The following MED12L variants were observed in gnomAD, a reference collection of about 807,000 sequenced individuals.
The protein encoded by MED12L is mediator complex subunit 12L.
In MED12L, 60 loss-of-function variants were observed where a neutral mutation model predicts 281.3. That is an observed-to-expected ratio of 0.21 (90% CI 0.17 to 0.26). The LOEUF (loss-of-function observed/expected upper bound fraction) is 0.26. Among genes scored for constraint, MED12L ranks in the 10% least tolerant of loss-of-function variants. The pLI is 1.00. For missense variants in MED12L, 2,146 were observed against 2,680.9 expected, an observed-to-expected ratio of 0.80 and a Z score of 4.41; for synonymous variants, 974 against 987.2, an observed-to-expected ratio of 0.99 and a Z score of 0.25.
chr3:151,171,421 G>C (rs1427048630), intron 11 of MED12L, among the ~76,000 whole-genome samples: 1 of 152,190 alleles, frequency 6.6e-6, no homozygotes, highest in Admixed American at 6.5e-5. Context: ...ACAGGCTAAA[G>C]GTGGCAGGAA....
chr3:151,289,397 A>G (rs1360029307), intron 16 of MED12L, among the ~76,000 whole-genome samples: 1 of 152,232 alleles, frequency 6.6e-6, no homozygotes, highest in Non-Finnish European at 1.5e-5. Flanking sequence ...CTCACTCTGT[A>G]TTATAAGTTA....
chr3:151,118,153 G>A (rs1347966192), intron 3 of MED12L, among the ~76,000 whole-genome samples: 1 of 151,242 alleles, frequency 6.6e-6, no homozygotes, highest in Non-Finnish European at 1.5e-5. Context: ...AATCTTTTAG[G>A]GTTTTTTTTA....
chr3:151,368,768 T>C, intron 25 of MED12L, among the ~76,000 whole-genome samples: 4 of 145,076 alleles, frequency 2.8e-5, no homozygotes, highest in Admixed American at 7.0e-5. Flanking sequence ...TCATTTTTTT[T>C]TTTTTTTTTC....
At chr3:151,096,322 G>T (rs950446145) in intron 2 of MED12L, among the ~76,000 whole-genome samples, 7 of 152,070 alleles carry the variant, frequency 4.6e-5, no homozygotes, top group African/African-American at 1.7e-4. Context: ...TGTTGTTAAG[G>T]TACTTTCTGT....
At chr3:151,238,401 C>G (rs1251316903) in intron 16 of MED12L, among the ~76,000 whole-genome samples, 2 of 152,214 alleles carry the variant, frequency 1.3e-5, no homozygotes, top group Admixed American at 6.5e-5. Flanking sequence ...CCCGCCTCAG[C>G]CTCCCAAAGT....
chr3:151,112,288 T>C (rs1307537137), intron 2 of MED12L, among the ~76,000 whole-genome samples: 5 of 151,652 alleles, frequency 3.3e-5, no homozygotes, highest in East Asian at 3.9e-4. Context: ...TTTTCTTTTT[T>C]TTTTTTTTTT....
At chr3:151,106,950 G>A (rs914438901) in intron 2 of MED12L, among the ~76,000 whole-genome samples, 3 of 151,978 alleles carry the variant, frequency 2.0e-5, no homozygotes, top group African/African-American at 7.3e-5. Context: ...CTGTAGTTGG[G>A]CTCTACTTTT....
intron 43 of MED12L, among the ~76,000 whole-genome samples, chr3:151,417,137 A>G (rs1717656851): frequency 6.6e-6 from 1 of 152,210 alleles, no homozygotes; most frequent in Non-Finnish European, 1.5e-5. Flanking sequence ...GTAAATACAA[A>G]AATAATTTAG....
intron 16 of MED12L, among the ~76,000 whole-genome samples, chr3:151,292,446 C>T (rs1221646145): frequency 1.3e-5 from 2 of 151,682 alleles, no homozygotes; most frequent in Non-Finnish European, 2.9e-5. Flanking sequence ...GCCACCATGC[C>T]CAGCTAATTT....
chr3:151,383,996 A>C, intron 34 of MED12L, 87 bp from the exon 35 acceptor site: 1 of 1,513,954 alleles, frequency 6.6e-7, no homozygotes, highest in Non-Finnish European at 9.0e-7. Context: ...ATGCTATTAA[A>C]AATTCTGTGC....
At chr3:151,119,992 G>A (rs542884697) in intron 3 of MED12L, among the ~76,000 whole-genome samples, 14 of 151,784 alleles carry the variant, frequency 9.2e-5, no homozygotes, top group African/African-American at 3.4e-4. Flanking sequence ...GCTGAGGCAG[G>A]TGGATTATCT....
At chr3:151,329,588 C>T in intron 16 of MED12L, 1 of 1,264,454 alleles carries the variant, frequency 7.9e-7, no homozygotes, top group Non-Finnish European at 1.1e-6. Flanking sequence ...AGTGGATTTC[C>T]TTCCTTATTT....
Position 151,156,338 on chromosome 3 carries a change from T to C in MED12L, c.726+8T>C, listed in dbSNP as rs769855042. The C allele has an allele frequency of 6.3e-7, 1 of 1,598,802 alleles. No homozygotes were observed. The highest frequency in any genetic ancestry group is 1.1e-5 in the South Asian group (1 of 88,254). ...GCATTTCACATGTTCCAGGTAACCTTTTGAAGACATGCAGAGTTGTGTGCA... is the reference window on the plus strand; with the variant it reads ...GCATTTCACATGTTCCAGGTAACCTCTTGAAGACATGCAGAGTTGTGTGCA... On this transcript the variant is annotated splice_region_variant and intron_variant, in intron 6 of 44. Transcript: ENST00000687756.
At chr3:151,152,196 C>T (rs1265350826) in intron 5 of MED12L, among the ~76,000 whole-genome samples, 1 of 140,416 alleles carries the variant, frequency 7.1e-6, no homozygotes, top group Non-Finnish European at 1.5e-5. Context: ...ATCTCCTGGG[C>T]TCAAGCGGCC....
intron 16 of MED12L, among the ~76,000 whole-genome samples, chr3:151,248,607 G>A (rs1426816666): frequency 2.0e-5 from 3 of 151,874 alleles, no homozygotes; most frequent in Admixed American, 2.0e-4. Flanking sequence ...TTTAAAATAG[G>A]AATTTCCTAA....
intron 16 of MED12L, among the ~76,000 whole-genome samples, chr3:151,264,474 C>G (rs1188868924): frequency 6.6e-6 from 1 of 152,200 alleles, no homozygotes; most frequent in Admixed American, 6.5e-5. Context: ...AAATTCAAAC[C>G]TGAGCTTATT....
rs1021547401 is a variant in MED12L at position 151,085,725 on chromosome 3, G to C, written c.-341G>C. The C allele has an allele frequency of 2.0e-5, 3 of 152,076 alleles. No homozygotes were observed. Among genetic ancestry groups the C allele is most frequent in the South Asian group, 2.1e-4 (1 of 4,832 alleles). 9.4% of individuals were successfully genotyped at this position (152,076 alleles called of 1,614,324 possible). A position where few individuals can be genotyped will look rare whatever the true frequency, so the allele number is the denominator to read the frequency against. On this transcript the variant is annotated 5_prime_UTR_variant, in exon 1 of 45. Transcript: ENST00000687756. ...TCGGAAGCTCGCGCTCCCGGGCCGTGGGGGCGAGAACGCCGGCGGCGAGCC... is the reference window on the plus strand; with the variant it reads ...TCGGAAGCTCGCGCTCCCGGGCCGTCGGGGCGAGAACGCCGGCGGCGAGCC...
chr3:151,422,992 T>G (rs934372137), intron 43 of MED12L, among the ~76,000 whole-genome samples: 1 of 144,408 alleles, frequency 6.9e-6, no homozygotes, highest in Non-Finnish European at 1.5e-5. Context: ...CCTTCTATTT[T>G]AATGCATTCT....
At chr3:151,323,334 T>C (rs2149832877) in intron 16 of MED12L, among the ~76,000 whole-genome samples, 1 of 152,332 alleles carries the variant, frequency 6.6e-6, no homozygotes, top group African/African-American at 2.4e-5. Context: ...CAATTGATTT[T>C]CCTAAAGCAC....
Sources: gnomAD v4.1 joint callset for allele counts (sites outside exome capture counted in the v4.1 genomes callset) on GRCh38, gnomAD v4.1.1 for gene constraint, MANE v1.5 for transcripts, NCBI Gene and HGNC (gene_info 2026-07-23, HGNC 2026-07-21) for gene names.